Variants in NELL1 observed in about 807,000 individuals in gnomAD.
NELL1 encodes the protein neural EGFL like 1.
In NELL1, 76 loss-of-function variants were observed where a neutral mutation model predicts 107.4. That is an observed-to-expected ratio of 0.71 (90% CI 0.59 to 0.86). The LOEUF (loss-of-function observed/expected upper bound fraction) is 0.86, where lower values mean the gene tolerates loss of function less well. Among genes scored for constraint, NELL1 ranks in the 40% least tolerant of loss-of-function variants. NELL1 has a pLI of 0.00. For synonymous variants in NELL1, 353 were observed against 341.2 expected, an observed-to-expected ratio of 1.03 and a Z score of -0.38; for missense variants, 1,024 against 1,005.5, an observed-to-expected ratio of 1.02 and a Z score of -0.25.
chr11:21,190,720 C>G (rs991724630), intron 13 of NELL1, among the ~76,000 whole-genome samples: 3 of 151,786 alleles, frequency 2.0e-5, no homozygotes, highest in African/African-American at 7.3e-5. Flanking sequence ...CTAATAAGAC[C>G]CTCATTTATC....
At chr11:21,566,650 A>T (rs1564964449) in intron 17 of NELL1, among the ~76,000 whole-genome samples, 1 of 151,838 alleles carries the variant, frequency 6.6e-6, no homozygotes, top group Non-Finnish European at 1.5e-5. Context: ...CCAAGTTAGG[A>T]TAGAGATCAA....
chr11:20,813,033 A>C (rs1398668708), intron 3 of NELL1, among the ~76,000 whole-genome samples: 3 of 148,640 alleles, frequency 2.0e-5, no homozygotes, highest in Non-Finnish European at 4.5e-5. Context: ...AAAAAAAAAA[A>C]AAAAAAAAAA....
chr11:21,083,306 G>A (rs1854311973), intron 12 of NELL1, among the ~76,000 whole-genome samples: 1 of 152,184 alleles, frequency 6.6e-6, no homozygotes, highest in Non-Finnish European at 1.5e-5. Flanking sequence ...ATGGTCTGAG[G>A]TCAGAGGGTA....
intron 3 of NELL1, among the ~76,000 whole-genome samples, chr11:20,802,404 T>C (rs1013118710): frequency 2.3e-4 from 32 of 139,000 alleles, no homozygotes; most frequent in African/African-American, 7.4e-4. Context: ...TGTACAGAAA[T>C]GCTGTTTTTT....
rs1851787174 is a variant in NELL1, at chr11:21,388,063, G to A, written c.1645+17115G>A. Reference sequence around the variant, plus strand: ...CAGCTGGAACTTAAATTCTTGTCTGGTGTTTAAAATTCTATGTTTTTTTTT... The same window carrying A: ...CAGCTGGAACTTAAATTCTTGTCTGATGTTTAAAATTCTATGTTTTTTTTT... On this transcript the variant is annotated intron_variant, in intron 15 of 19. Transcript: ENST00000357134. Among the ~76,000 whole-genome samples, 4 of 135,792 alleles carry A rather than the reference G, an allele frequency of 2.9e-5. No individual in the cohort carries two copies. The South Asian group carries it at 9.7e-4, about 33-fold the overall frequency. 89.1% of individuals were successfully genotyped at this position (135,792 alleles called of 152,430 possible).
At chr11:21,547,954 A>G (rs116444475) in intron 16 of NELL1, among the ~76,000 whole-genome samples, 1,888 of 151,950 alleles carry the variant, frequency 0.012, 31 homozygotes, top group African/African-American at 0.043. Flanking sequence ...TAAGAGTTGG[A>G]TTCAAATACA....
chr11:21,314,601 C>T (rs1849831562), intron 14 of NELL1, among the ~76,000 whole-genome samples: 1 of 152,112 alleles, frequency 6.6e-6, no homozygotes. Flanking sequence ...AGACATGGTC[C>T]CTGCCCTTAT....
chr11:21,251,478 T>G (rs1858636748), intron 14 of NELL1, among the ~76,000 whole-genome samples: 1 of 152,062 alleles, frequency 6.6e-6, no homozygotes, highest in Non-Finnish European at 1.5e-5. Context: ...TAGTCAAATA[T>G]AATCACATGA....
intron 15 of NELL1, among the ~76,000 whole-genome samples, chr11:21,526,320 C>T (rs1406682283): frequency 7.9e-5 from 12 of 152,334 alleles, no homozygotes; most frequent in East Asian, 5.8e-4. Context: ...TGGACAACTC[C>T]GCCACTGTGG....
intron 13 of NELL1, among the ~76,000 whole-genome samples, chr11:21,215,735 C>T (rs1331882727): frequency 2.0e-5 from 3 of 152,100 alleles, no homozygotes; most frequent in Admixed American, 6.6e-5. Context: ...GAACTTTGAA[C>T]TTGAGAGAGA....
intron 14 of NELL1, among the ~76,000 whole-genome samples, chr11:21,269,870 T>C (rs1598071): frequency 0.35 from 53,428 of 151,956 alleles, 11,090 homozygotes; most frequent in Non-Finnish European, 0.48. Flanking sequence ...TACTCTTATA[T>C]AAAAGTGAAA....
At chr11:20,739,447 CT>C (rs1855838222) in intron 2 of NELL1, among the ~76,000 whole-genome samples, 1 of 152,196 alleles carries the variant, frequency 6.6e-6, no homozygotes, top group Admixed American at 6.5e-5. Context: ...TCCTGCTGTG[CT>C]TTGTTGCTCT....
intron 10 of NELL1, among the ~76,000 whole-genome samples, chr11:20,941,120 C>T (rs756535287): frequency 6.6e-6 from 1 of 152,106 alleles, no homozygotes; most frequent in Non-Finnish European, 1.5e-5. Flanking sequence ...GCCTGGGCGA[C>T]AGAGTGAGAC....
chr11:20,771,026 C>T (rs544922587), intron 2 of NELL1: 1 of 151,736 alleles, frequency 6.6e-6, no homozygotes, highest in African/African-American at 2.4e-5. Flanking sequence ...CCCCCCGGCT[C>T]TCTCCTTGGG....
rs1357332832 is a variant in NELL1, at chr11:20,669,734, A to G, written c.11A>G (p.Asp4Gly). 6.2e-7 allele frequency: 1 copy of G among 1,612,658 alleles called. No individual in the cohort carries two copies. The highest frequency in any genetic ancestry group is 1.3e-5 in the African/African-American group (1 of 74,746). Residue 4 changes from aspartate (D) to glycine (G), a missense_variant, in exon 1 of 20, where the codon GAT (aspartate) becomes GGT (glycine). Coordinates refer to ENST00000357134, the MANE Select transcript of NELL1 (RefSeq NM_006157.5). This position sits in a 1 kb window ranked among gnomAD's most constrained non-coding sequence, Gnocchi z 4.4. ...GGACCCTCGAGAGCGATGCCGATGG[A>G]TTTGATTTTAGTTGTGTGGTTCTGT... Reference protein sequence around the residue: MPMDLILVVWFCVC... With the variant: MPMGLILVVWFCVC...
chr11:20,890,979 G>A (rs1388153338), intron 5 of NELL1, among the ~76,000 whole-genome samples: 1 of 152,052 alleles, frequency 6.6e-6, no homozygotes, highest in Non-Finnish European at 1.5e-5. Context: ...AGCAAGACAG[G>A]CCAACATGCA....
chr11:21,113,857 G>GA, intron 13 of NELL1, 143 bp downstream of exon 13: 2 of 813,256 alleles, frequency 2.5e-6, no homozygotes, highest in East Asian at 2.9e-5. Flanking sequence ...CACCTTTTGA[G>GA]AAAAAAGCAA....
At chr11:21,236,470 A>G (rs1457931619) in intron 14 of NELL1, among the ~76,000 whole-genome samples, 1 of 152,208 alleles carries the variant, frequency 6.6e-6, no homozygotes, top group Non-Finnish European at 1.5e-5. Context: ...GCAAATTTTT[A>G]TGTATTACAT....
chr11:20,766,154 A>G (rs2133963075), intron 2 of NELL1, among the ~76,000 whole-genome samples: 1 of 152,324 alleles, frequency 6.6e-6, no homozygotes, highest in Admixed American at 6.5e-5. Flanking sequence ...TCCATACTTC[A>G]GGATTGATGT....
Sources: allele counts gnomAD v4.1 joint callset (sites outside exome capture counted in the v4.1 genomes callset), GRCh38; gene constraint gnomAD v4.1.1; non-coding constraint Gnocchi (gnomAD v3.1); transcripts MANE v1.5; gene names NCBI Gene and HGNC (gene_info 2026-07-23, HGNC 2026-07-21).